Variants in SLC25A14 observed in about 807,000 individuals in gnomAD.
The protein encoded by SLC25A14 is brain mitochondrial carrier protein 1.
Under a neutral mutation model 28.1 loss-of-function variants are expected in SLC25A14, and 8 were observed. That is an observed-to-expected ratio of 0.28 (90% confidence interval 0.17 to 0.51). SLC25A14 has a LOEUF of 0.51. Ranked by LOEUF, SLC25A14 falls within the 20% of genes least tolerant of loss-of-function variation. SLC25A14 has a pLI of 0.97. For missense variants in SLC25A14, 135 were observed against 263.8 expected (o/e 0.51, Z 3.38); for synonymous variants, 74 against 90.6 (o/e 0.82, Z 1.04).
In SLC25A14 at chrX:130,373,092, G is replaced by T. The variant is rs1301925687; in HGVS notation, c.*142G>T. ...GGGCCTCCTGATGGAAGAACAGTGG[G>T]GTGGTTCAAAGTTATTTCTATGTTT... On this transcript the variant is annotated 3_prime_UTR_variant, in exon 11 of 11. Coordinates refer to ENST00000545805, the MANE Select transcript of SLC25A14 (RefSeq NM_001282195.2). 2.2e-6 allele frequency: 1 copy of T among 455,504 alleles called. No homozygotes were observed. The highest frequency in any genetic ancestry group is 3.8e-6 in the Non-Finnish European group (1 of 263,212). The allele number at this position is 455,504 out of a possible 1,213,427, so 37.5% of individuals were successfully genotyped here. A position where few individuals can be genotyped will look rare whatever the true frequency, so the allele number is the denominator to read the frequency against.
chrX:130,362,430 A>G (rs1404780501), intron 7 of SLC25A14, among the ~76,000 whole-genome samples: 1 of 111,000 alleles, frequency 9.0e-6, no homozygotes, highest in Non-Finnish European at 1.9e-5. Flanking sequence ...CAGAAAGCAG[A>G]TGTCCTCATG....
chrX:130,356,684 GGA>G (rs2033803730), intron 6 of SLC25A14, among the ~76,000 whole-genome samples: 1 of 111,881 alleles, frequency 8.9e-6, no homozygotes, highest in Admixed American at 9.4e-5. Context: ...CTTCAAGAAA[GGA>G]GAGTAGATTT....
At position 130,346,524 on chromosome X, in the gene SLC25A14, ATAAG is replaced by A; in HGVS notation, c.170-18_170-15del. 1.7e-6 allele frequency: 2 copies of A among 1,183,643 alleles called. No homozygotes were observed. The highest frequency in any genetic ancestry group is 2.3e-6 in the Non-Finnish European group (2 of 872,857). On this transcript the variant is annotated splice_polypyrimidine_tract_variant and intron_variant, in intron 3 of 10. Transcript: ENST00000545805. ...TGTGATTCTTTGGACATACTTATAAATAAGTGTGTTCCTTTATAGGGACTTTCCC... is the reference window on the plus strand; with the variant it reads ...TGTGATTCTTTGGACATACTTATAAATGTGTTCCTTTATAGGGACTTTCCC...
chrX:130,372,584 T>A (rs1300448500), intron 10 of SLC25A14, among the ~76,000 whole-genome samples: 1 of 108,928 alleles, frequency 9.2e-6, no homozygotes, highest in African/African-American at 3.4e-5. Flanking sequence ...TGCCTCAGCC[T>A]CCCGAGTAGC....
At chrX:130,370,800 A>C (rs780177515) in intron 9 of SLC25A14, among the ~76,000 whole-genome samples, 1 of 112,295 alleles carries the variant, frequency 8.9e-6, no homozygotes, top group South Asian at 3.7e-4. Flanking sequence ...TATGCACTCC[A>C]TGAGGGTAGA....
At chrX:130,366,457 T>C (rs2034119708) in intron 9 of SLC25A14, among the ~76,000 whole-genome samples, 1 of 112,013 alleles carries the variant, frequency 8.9e-6, no homozygotes, top group African/African-American at 3.2e-5. Context: ...CTTATGTGTA[T>C]TCGTTCATTG....
In SLC25A14 at chrX:130,350,722, T is replaced by C; in HGVS notation, c.489T>C (p.Asp163=). 3 of 1,136,352 alleles carry C rather than the reference T, an allele frequency of 2.6e-6. No individual in the cohort carries two copies. The highest frequency in any genetic ancestry group is 3.6e-6 in the Non-Finnish European group (3 of 831,122). 93.6% of individuals were successfully genotyped at this position (1,136,352 alleles called of 1,213,427 possible). ...CTTCCACTATAGCCAATCCCACCGA[T>C]GTTCTAAAGGTAAGAGAGATACAGT... ...VISSTIANPT[D]VLKIRMQAQG... The change falls in exon 6 of 11, where the codon GAT becomes GAC. Residue 163 remains aspartate (D), a synonymous_variant. Transcript: ENST00000545805.
intron 8 of SLC25A14, 91 bp from the exon 9 acceptor site, chrX:130,365,450 G>A: frequency 1.7e-6 from 2 of 1,157,252 alleles, no homozygotes; most frequent in Non-Finnish European, 2.3e-6. Context: ...ATGGGTCTGA[G>A]TTATATTGTA....
intron 9 of SLC25A14, among the ~76,000 whole-genome samples, chrX:130,366,249 T>A (rs1010379785): frequency 8.9e-6 from 1 of 112,433 alleles, no homozygotes. Context: ...ATTTTAGTAG[T>A]TAGAGAGAAA....
At chrX:130,349,108 G>T in intron 4 of SLC25A14, 143 bp from the exon 5 acceptor site, 9 of 263,135 alleles carry the variant, frequency 3.4e-5, no homozygotes, top group African/African-American at 5.8e-5. Context: ...TCAGTTTCTT[G>T]CTGAGTGTTT....
At chrX:130,349,546 C>G in intron 5 of SLC25A14, 1 of 256,708 alleles carries the variant, frequency 3.9e-6, no homozygotes, top group Non-Finnish European at 7.1e-6. Context: ...TGTCCCTTTT[C>G]CTATCAACAA....
chrX:130,356,426 G>T (rs146882476), intron 6 of SLC25A14, among the ~76,000 whole-genome samples: 1 of 108,743 alleles, frequency 9.2e-6, no homozygotes, highest in East Asian at 2.9e-4. Flanking sequence ...ACGGGGTTTC[G>T]CCATGTTGGC....
At chrX:130,351,728 G>A (rs1240274925) in intron 6 of SLC25A14, among the ~76,000 whole-genome samples, 3 of 111,122 alleles carry the variant, frequency 2.7e-5, no homozygotes, top group Non-Finnish European at 5.7e-5. Context: ...AAGTGGCTAG[G>A]TTAGCAAAGG....
At chrX:130,369,065 C>G (rs2034198655) in intron 9 of SLC25A14, among the ~76,000 whole-genome samples, 1 of 112,320 alleles carries the variant, frequency 8.9e-6, no homozygotes, top group Admixed American at 9.5e-5. Context: ...TGTTTTCACA[C>G]AACTGCCTTA....
intron 10 of SLC25A14, 29 bp downstream of exon 10, chrX:130,371,673 C>T: frequency 9.6e-7 from 1 of 1,040,003 alleles, no homozygotes; most frequent in Non-Finnish European, 1.3e-6. Context: ...AAAGCAAGTG[C>T]TTCAAGCTCC....
At chrX:130,354,315 G>A (rs1213460645) in intron 6 of SLC25A14, among the ~76,000 whole-genome samples, 1 of 110,477 alleles carries the variant, frequency 9.1e-6, no homozygotes, top group African/African-American at 3.3e-5. Context: ...GGGTTTCACC[G>A]TGTTAGCCAG....
At chrX:130,365,032 GCACATCTA>G in intron 8 of SLC25A14, 3 of 336,454 alleles carry the variant, frequency 8.9e-6, no homozygotes, top group South Asian at 2.1e-4. Context: ...TATCTAATAA[GCACATCTA>G]TTATTTGCTT....
At chrX:130,359,352 CAA>C (rs55826694) in intron 7 of SLC25A14, among the ~76,000 whole-genome samples, 2 of 26,223 alleles carry the variant, frequency 7.6e-5, no homozygotes, top group African/African-American at 2.6e-4. Flanking sequence ...GACTCTGTCT[CAA>C]AAAAAAAAAA....
chrX:130,362,467 A>G lies in SLC25A14; in HGVS notation c.595-2161A>G, dbSNP rs1364454157. ...TATGTTATTTTCAATTTTAACTGAC[A>G]CCTAAACACAGTTATAAAAGTAAAA... On this transcript the variant is annotated intron_variant, in intron 7 of 10. Coordinates refer to ENST00000545805, the MANE Select transcript of SLC25A14 (RefSeq NM_001282195.2). Among the ~76,000 whole-genome samples, 3 of 111,024 alleles carry G rather than the reference A, an allele frequency of 2.7e-5. No homozygotes were observed. In the East Asian group the frequency reaches 8.4e-4, roughly 31 times the overall value.
Sources: gnomAD v4.1 joint callset for allele counts (sites outside exome capture counted in the v4.1 genomes callset) on GRCh38, gnomAD v4.1.1 for gene constraint, MANE v1.5 for transcripts, NCBI Gene and HGNC (gene_info 2026-07-23, HGNC 2026-07-21) for gene names.